The following SLC9A9 variants were observed in gnomAD, a reference collection of about 807,000 sequenced individuals.
The protein encoded by SLC9A9 is solute carrier family 9 member A9, also known as sodium/hydrogen exchanger 9.
A neutral mutation model predicts 77.8 loss-of-function variants in SLC9A9; 62 were observed. That is an observed-to-expected ratio of 0.80 (90% CI 0.65 to 0.98). The LOEUF (loss-of-function observed/expected upper bound fraction) is 0.98, where lower values mean the gene tolerates loss of function less well. SLC9A9 is among the 50% of genes least tolerant of loss of function. The pLI, the probability that SLC9A9 is intolerant of heterozygous loss-of-function variation, is 0.00. For synonymous variants in SLC9A9, 320 were observed against 283.5 expected, an observed-to-expected ratio of 1.13 and a Z score of -1.29; for missense variants, 775 against 774.9, an observed-to-expected ratio of 1.00 and a Z score of 0.00.
rs1458303996 is a variant in SLC9A9 at position 143,452,905 on chromosome 3, A to G, written c.1469+14132T>C. ...ATTCTTAGAAGATGCATGCTTTAATATTTAGATAAGAAGCATGTGATGACT... is the reference window on the plus strand; with the variant it reads ...ATTCTTAGAAGATGCATGCTTTAATGTTTAGATAAGAAGCATGTGATGACT... On this transcript the variant is annotated intron_variant, in intron 12 of 15. Coordinates refer to ENST00000316549, the MANE Select transcript of SLC9A9 (RefSeq NM_173653.4). 2.6e-5 allele frequency among the ~76,000 whole-genome samples: 4 copies of G among 152,096 alleles called. No individual in the cohort carries two copies. In the East Asian group the frequency reaches 7.7e-4, roughly 29 times the overall value.
intron 14 of SLC9A9, among the ~76,000 whole-genome samples, chr3:143,307,865 C>T (rs2030858927): frequency 6.6e-6 from 1 of 152,198 alleles, no homozygotes. Flanking sequence ...TGTGACTCAG[C>T]AGTAGGCTAA....
chr3:143,395,739 A>G (rs2108508577), intron 12 of SLC9A9, among the ~76,000 whole-genome samples: 1 of 152,356 alleles, frequency 6.6e-6, no homozygotes, highest in Non-Finnish European at 1.5e-5. Flanking sequence ...AAAGAACTCA[A>G]ACAAATTTAC....
chr3:143,536,229 C>A (rs2036586885), intron 9 of SLC9A9, among the ~76,000 whole-genome samples: 2 of 152,178 alleles, frequency 1.3e-5, no homozygotes, highest in Non-Finnish European at 2.9e-5. Context: ...AGAAAAGCAG[C>A]TGGGTGAGGT....
chr3:143,311,649 A>G (rs1179976430), intron 14 of SLC9A9, among the ~76,000 whole-genome samples: 1 of 152,242 alleles, frequency 6.6e-6, no homozygotes, highest in South Asian at 2.1e-4. Flanking sequence ...GTCAGGTCTC[A>G]TTACATAAAA....
At chr3:143,352,019 G>A (rs1205159098) in intron 14 of SLC9A9, among the ~76,000 whole-genome samples, 1 of 152,184 alleles carries the variant, frequency 6.6e-6, no homozygotes, top group Non-Finnish European at 1.5e-5. Flanking sequence ...TTTACCATGT[G>A]GGGCACCTGC....
At chr3:143,370,567 G>GCGCGCA (rs373398536) in intron 13 of SLC9A9, among the ~76,000 whole-genome samples, 50 of 143,420 alleles carry the variant, frequency 3.5e-4, no homozygotes, top group African/African-American at 1.0e-3. Flanking sequence ...GCATGTGCGC[G>GCGCGCA]CACACACACA....
In SLC9A9 at chr3:143,495,428, A is replaced by G; in HGVS notation, c.1110T>C (p.Phe370=). 3.7e-6 allele frequency: 6 copies of G among 1,613,946 alleles called. No homozygotes were observed. Among genetic ancestry groups the G allele is most frequent in the Non-Finnish European group, 5.1e-6 (6 of 1,179,840 alleles). Residue 370 remains phenylalanine, a synonymous_variant, in exon 10 of 16, where the codon TTT becomes TTC. Coordinates refer to ENST00000316549, the MANE Select transcript of SLC9A9 (RefSeq NM_173653.4). The part of the protein sequence containing the change: ...RTKQLFEFMN[F]LAENVIFCYM... The stretch of plus-strand genomic sequence containing the variant: ...AACAGAAGATGACGTTCTCCGCCAA[A>G]AAGTTCATAAATTCAAACAACTGAA...
At chr3:143,478,737 G>T (rs2035524097) in intron 11 of SLC9A9, among the ~76,000 whole-genome samples, 1 of 152,234 alleles carries the variant, frequency 6.6e-6, no homozygotes. Flanking sequence ...CAGAATTAGA[G>T]GGATTTGTGC....
At chr3:143,548,151 C>T (rs1198299677) in intron 9 of SLC9A9, among the ~76,000 whole-genome samples, 1 of 152,114 alleles carries the variant, frequency 6.6e-6, no homozygotes, top group Non-Finnish European at 1.5e-5. Context: ...TTGGTGCCAA[C>T]CATGTGAAGG....
rs540265971 is a variant in SLC9A9, at chr3:143,284,216, C to T, written c.1605-15236G>A. On this transcript the variant is annotated intron_variant, in intron 14 of 15. Coordinates refer to ENST00000316549, the MANE Select transcript of SLC9A9 (RefSeq NM_173653.4). ...ACGATTATTTACCATTGCTTTGTAA[C>T]TGTGAACAGGCAGCTGAGTGGAGCT... Among the ~76,000 whole-genome samples, 460 of 152,198 alleles carry T rather than the reference C, an allele frequency of 3.0e-3. 2 individuals are homozygous for T. Among genetic ancestry groups the T allele is most frequent in the African/African-American group, 0.011 (450 of 41,524 alleles).
chr3:143,723,688 T>A (rs1934561980), intron 4 of SLC9A9, among the ~76,000 whole-genome samples: 1 of 152,198 alleles, frequency 6.6e-6, no homozygotes, highest in Non-Finnish European at 1.5e-5. Flanking sequence ...ATACCTTTTA[T>A]AATACAAAGA....
chr3:143,734,153 C>T (rs1934880364), intron 4 of SLC9A9, among the ~76,000 whole-genome samples: 1 of 151,732 alleles, frequency 6.6e-6, no homozygotes, highest in Non-Finnish European at 1.5e-5. Context: ...GCTATGATTG[C>T]ACCACTGCAC....
chr3:143,454,333 G>A (rs769409800), intron 12 of SLC9A9, among the ~76,000 whole-genome samples: 6 of 152,176 alleles, frequency 3.9e-5, no homozygotes, highest in African/African-American at 1.4e-4. Flanking sequence ...TTTTGGCAAA[G>A]TAAGGTATTT....
intron 4 of SLC9A9, among the ~76,000 whole-genome samples, chr3:143,702,689 C>T (rs1282103736): frequency 6.6e-6 from 1 of 151,340 alleles, no homozygotes; most frequent in Non-Finnish European, 1.5e-5. Flanking sequence ...CAACAAATAA[C>T]AAAATGGCAG....
chr3:143,540,865 A>G (rs1256947213), intron 9 of SLC9A9, among the ~76,000 whole-genome samples: 1 of 152,222 alleles, frequency 6.6e-6, no homozygotes, highest in Non-Finnish European at 1.5e-5. Context: ...TATAGTGTTC[A>G]ACAATTGTTG....
chr3:143,767,376 ATGTGTG>A (rs142594079), intron 4 of SLC9A9, among the ~76,000 whole-genome samples: 35 of 141,374 alleles, frequency 2.5e-4, no homozygotes, highest in Middle Eastern at 3.4e-3. Flanking sequence ...GTGTCTGTGT[ATGTGTG>A]TGTGTGTGTG....
At chr3:143,331,259 G>A (rs780186105) in intron 14 of SLC9A9, among the ~76,000 whole-genome samples, 1 of 152,178 alleles carries the variant, frequency 6.6e-6, no homozygotes, top group Non-Finnish European at 1.5e-5. Flanking sequence ...TGAGGGGCTG[G>A]TGGGCTGCCT....
chr3:143,437,657 G>A (rs1424042762), intron 12 of SLC9A9, among the ~76,000 whole-genome samples: 1 of 152,222 alleles, frequency 6.6e-6, no homozygotes, highest in Non-Finnish European at 1.5e-5. Context: ...GTTAAATGAT[G>A]GGAGACATGT....
chr3:143,737,496 A>T (rs576232128), intron 4 of SLC9A9, among the ~76,000 whole-genome samples: 1 of 151,942 alleles, frequency 6.6e-6, no homozygotes, highest in African/African-American at 2.4e-5. Context: ...CCAAAAAAAA[A>T]ACCCACAAAA....
Sources: allele counts gnomAD v4.1 joint callset (sites outside exome capture counted in the v4.1 genomes callset), GRCh38; gene constraint gnomAD v4.1.1; transcripts MANE v1.5; gene names NCBI Gene and HGNC (gene_info 2026-07-23, HGNC 2026-07-21).